ZNF423: variants seen among roughly 807,000 people sequenced by gnomAD.
ZNF423 encodes the protein zinc finger protein 423.
ZNF423 carries 12 observed loss-of-function variants against 95.8 expected under a neutral mutation model. The ratio of observed to expected loss-of-function variants is 0.13; its 90% CI spans 0.08 to 0.20. The LOEUF (loss-of-function observed/expected upper bound fraction) is 0.20, where lower values mean the gene tolerates loss of function less well. ZNF423 is among the 10% of genes least tolerant of loss of function. The pLI is 1.00. For missense variants in ZNF423, 1,316 were observed against 1,737.1 expected, an observed-to-expected ratio of 0.76 and a Z score of 4.31; for synonymous variants, 749 against 711.9, an observed-to-expected ratio of 1.05 and a Z score of -0.83.
Position 49,853,807 on chromosome 16 carries a change from A to G in ZNF423, c.40+1928T>C, listed in dbSNP as rs887866486. The G allele has an allele frequency of 8.1e-6, 8 of 985,228 alleles. No homozygotes were observed. The East Asian group carries it at 9.1e-4, about 112-fold the overall frequency. 61.0% of individuals were successfully genotyped at this position (985,228 alleles called of 1,614,324 possible). On this transcript the variant is annotated intron_variant, in intron 1 of 7. Coordinates refer to ENST00000563137, the MANE Select transcript of ZNF423 (RefSeq NM_001379286.1). ...AACACCCACCCATCTGTTCACTGCA[A>G]ACTGCTCTCCTTTTGCTTTCTGGGT... is the stretch of plus-strand genomic sequence containing the variant.
chr16:49,719,665 ATC>A (rs1567309540), intron 3 of ZNF423, among the ~76,000 whole-genome samples: 1 of 152,014 alleles, frequency 6.6e-6, no homozygotes, highest in African/African-American at 2.4e-5. Context: ...CCCTCACCCT[ATC>A]TCTCCTGATT....
At chr16:49,776,508 G>C (rs997835784) in intron 2 of ZNF423, among the ~76,000 whole-genome samples, 1 of 152,212 alleles carries the variant, frequency 6.6e-6, no homozygotes, top group African/African-American at 2.4e-5. Context: ...GGCTCCAAGA[G>C]GCCACTGGGA....
chr16:49,843,692 T>C (rs1278998995), intron 1 of ZNF423, among the ~76,000 whole-genome samples: 1 of 152,184 alleles, frequency 6.6e-6, no homozygotes, highest in Non-Finnish European at 1.5e-5. Context: ...GAAGGAATCT[T>C]GACTCAGACC....
At chr16:49,836,701 G>A (rs150559559) in intron 1 of ZNF423, among the ~76,000 whole-genome samples, 111 of 152,252 alleles carry the variant, frequency 7.3e-4, no homozygotes, top group African/African-American at 2.6e-3. Context: ...AGCCCTGGAC[G>A]CACAATAACC....
chr16:49,663,583 CG>C (rs1008697924), intron 3 of ZNF423, among the ~76,000 whole-genome samples: 4 of 152,216 alleles, frequency 2.6e-5, no homozygotes, highest in African/African-American at 9.6e-5. Context: ...GCCTCCCTCC[CG>C]GCCAGTGGTG....
intron 5 of ZNF423, among the ~76,000 whole-genome samples, chr16:49,609,906 C>T (rs1023389346): frequency 1.3e-5 from 2 of 151,956 alleles, no homozygotes; most frequent in Non-Finnish European, 2.9e-5. Context: ...CCTGAAAACT[C>T]CAGGACAGGA....
intron 2 of ZNF423, among the ~76,000 whole-genome samples, chr16:49,737,094 A>G (rs2033304911): frequency 6.6e-6 from 1 of 152,008 alleles, no homozygotes; most frequent in African/African-American, 2.4e-5. Context: ...TTCGATGAGG[A>G]CAGAAACTCT....
intron 5 of ZNF423, among the ~76,000 whole-genome samples, chr16:49,616,613 T>C (rs1971884547): frequency 1.3e-5 from 2 of 152,228 alleles, no homozygotes; most frequent in Admixed American, 6.5e-5. Flanking sequence ...ACACCTATTA[T>C]GTACCCATAA....
At chr16:49,630,504 C>T (rs377669590) in intron 4 of ZNF423, among the ~76,000 whole-genome samples, 5 of 152,064 alleles carry the variant, frequency 3.3e-5, no homozygotes, top group African/African-American at 4.8e-5. Flanking sequence ...GGATGAGGAC[C>T]GCCCAGGCCT....
intron 5 of ZNF423, among the ~76,000 whole-genome samples, chr16:49,615,703 G>A (rs1971853179): frequency 6.6e-6 from 1 of 152,106 alleles, no homozygotes; most frequent in Non-Finnish European, 1.5e-5. Context: ...CTGGCAGCCT[G>A]ACCAAGGGGC....
intron 2 of ZNF423, among the ~76,000 whole-genome samples, chr16:49,779,126 C>T (rs987703308): frequency 6.6e-6 from 1 of 152,080 alleles, no homozygotes; most frequent in African/African-American, 2.4e-5. Flanking sequence ...TCTTGGCAGA[C>T]ATTTGCCAGG....
At chr16:49,818,187 A>C (rs566581608) in intron 1 of ZNF423, among the ~76,000 whole-genome samples, 3 of 152,156 alleles carry the variant, frequency 2.0e-5, no homozygotes, top group African/African-American at 4.8e-5. Flanking sequence ...AATGGATCGC[A>C]TGATAGCATC....
chr16:49,813,118 T>C (rs1408901297), intron 1 of ZNF423, among the ~76,000 whole-genome samples: 1 of 151,944 alleles, frequency 6.6e-6, no homozygotes, highest in Non-Finnish European at 1.5e-5. Flanking sequence ...TTTGGGGAAG[T>C]TCTTGCTGCT....
chr16:49,700,249 A>G (rs921734424), intron 3 of ZNF423, among the ~76,000 whole-genome samples: 21 of 152,140 alleles, frequency 1.4e-4, no homozygotes, highest in African/African-American at 5.1e-4. Context: ...AAGAAAAAGA[A>G]AAAAGCAGAA....
intron 3 of ZNF423, among the ~76,000 whole-genome samples, chr16:49,675,095 G>T (rs2030990045): frequency 6.6e-6 from 1 of 152,162 alleles, no homozygotes; most frequent in South Asian, 2.1e-4. Flanking sequence ...ACATGACCAG[G>T]GTTGGAAAGA....
rs543883229 is a variant in ZNF423, at chr16:49,681,137, A to G, written c.302-42263T>C. ...TCAGGGATTCCCACTTCTGGTGAAC[A>G]AAGCAGAAAGCACTATGTGGCGGAC... On this transcript the variant is annotated intron_variant, in intron 3 of 7. Coordinates refer to ENST00000563137, the MANE Select transcript of ZNF423 (RefSeq NM_001379286.1). Among the ~76,000 whole-genome samples the G allele has an allele frequency of 2.6e-5, 4 of 152,314 alleles. No individual in the cohort carries two copies. The East Asian group carries it at 7.7e-4, about 29-fold the overall frequency.
At chr16:49,840,892 C>T (rs537607699) in intron 1 of ZNF423, among the ~76,000 whole-genome samples, 6 of 152,348 alleles carry the variant, frequency 3.9e-5, no homozygotes, top group African/African-American at 1.2e-4. Context: ...ACAGCCGCTT[C>T]CCTGAGCCTG....
chr16:49,749,936 T>G (rs973389593), intron 2 of ZNF423, among the ~76,000 whole-genome samples: 7 of 152,238 alleles, frequency 4.6e-5, no homozygotes, highest in Non-Finnish European at 1.0e-4. Context: ...GGGGGCCACC[T>G]GCTTCAGCAT....
At chr16:49,777,069 TG>T (rs1205018028) in intron 2 of ZNF423, among the ~76,000 whole-genome samples, 2 of 152,152 alleles carry the variant, frequency 1.3e-5, no homozygotes, top group Admixed American at 1.3e-4. Flanking sequence ...TATGCACGTA[TG>T]GGTGTGCATC....
Sources: gnomAD v4.1 joint callset for allele counts (sites outside exome capture counted in the v4.1 genomes callset) on GRCh38, gnomAD v4.1.1 for gene constraint, MANE v1.5 for transcripts, NCBI Gene and HGNC (gene_info 2026-07-23, HGNC 2026-07-21) for gene names.